The following SGCD variants were observed in gnomAD, a reference collection of about 807,000 sequenced individuals.
SGCD encodes the protein sarcoglycan delta.
Under a neutral mutation model 36.6 loss-of-function variants are expected in SGCD, and 18 were observed. The observed-to-expected ratio is 0.49, with a 90% CI of 0.34 to 0.73. The LOEUF is 0.73. Among genes scored for constraint, SGCD ranks in the 30% least tolerant of loss-of-function variants. SGCD has a pLI of 0.01. For missense variants in SGCD, 387 were observed against 346.7 expected (o/e 1.12, Z -0.92); for synonymous variants, 133 against 130.6 (o/e 1.02, Z -0.12).
Position 155,928,232 on chromosome 5 carries a change from C to T in SGCD, c.-282+57808C>T, listed in dbSNP as rs542061445. Among the ~76,000 whole-genome samples, 20 of 152,198 alleles carry T rather than the reference C, an allele frequency of 1.3e-4. No homozygotes were observed. The South Asian group carries it at 3.3e-3, about 25-fold the overall frequency. The stretch of plus-strand genomic sequence containing the variant: ...TTTAAGGAAAGGTCCTTTATAGTCA[C>T]GGATTTTTAAATGAATTACACATGC... On this transcript the variant is annotated intron_variant, in intron 1 of 9. Coordinates refer to the SGCD transcript ENST00000517913.
intron 1 of SGCD, among the ~76,000 whole-genome samples, chr5:155,888,141 T>A (rs1756047996): frequency 6.6e-6 from 1 of 152,170 alleles, no homozygotes. Flanking sequence ...CTTCTCCCTA[T>A]CCCAGCTTCT....
At chr5:155,957,503 G>T (rs1581011620) in intron 1 of SGCD, among the ~76,000 whole-genome samples, 1 of 152,058 alleles carries the variant, frequency 6.6e-6, no homozygotes, top group African/African-American at 2.4e-5. Context: ...TGTCAGGAAG[G>T]CTCCATTTCT....
chr5:156,413,904 G>T (rs756062399), intron 3 of SGCD, among the ~76,000 whole-genome samples: 1 of 152,132 alleles, frequency 6.6e-6, no homozygotes, highest in Admixed American at 6.5e-5. Context: ...CTTGGAGATG[G>T]AGGACACAGT....
chr5:155,863,845 A>G, the SGCD span, among the ~76,000 whole-genome samples: 2 of 152,122 alleles, frequency 1.3e-5, no homozygotes, highest in African/African-American at 4.8e-5. Context: ...TAATACATTC[A>G]ACAGATATAT....
chr5:156,221,798 C>A lies in SGCD; in HGVS notation c.-44+97779C>A, dbSNP rs553767516. Among the ~76,000 whole-genome samples, 9 of 151,908 alleles carry A rather than the reference C, an allele frequency of 5.9e-5. No homozygotes were observed. In the East Asian group the frequency reaches 1.7e-3, roughly 29 times the overall value. ...AGCAAGTAATATACATTACTTGTAA[C>A]CCTTATAACAAAATTGTGAAATAAA... On this transcript the variant is annotated intron_variant, in intron 3 of 9. Coordinates refer to the SGCD transcript ENST00000517913.
intron 4 of SGCD, among the ~76,000 whole-genome samples, chr5:156,548,790 A>G (rs1333687313): frequency 6.6e-6 from 1 of 152,174 alleles, no homozygotes; most frequent in African/African-American, 2.4e-5. Flanking sequence ...TTGAGCTGGG[A>G]GGAATAATAG....
intron 7 of SGCD, among the ~76,000 whole-genome samples, chr5:156,701,503 C>T (rs1357756008): frequency 6.6e-6 from 1 of 152,060 alleles, no homozygotes; most frequent in Non-Finnish European, 1.5e-5. Context: ...TTTTGTGTTT[C>T]AGTCAAAGTC....
intron 4 of SGCD, among the ~76,000 whole-genome samples, chr5:156,557,497 G>A (rs770088229): frequency 1.8e-4 from 27 of 152,278 alleles, no homozygotes; most frequent in Non-Finnish European, 3.1e-4. Flanking sequence ...ACCAAATTCA[G>A]CCTGTGACCT....
rs547367377 is a variant in SGCD, at chr5:156,073,421, G to A, written c.-281-44457G>A. Among the ~76,000 whole-genome samples, 3 of 152,244 alleles carry A rather than the reference G, an allele frequency of 2.0e-5. No homozygotes were observed. In the East Asian group the frequency reaches 5.8e-4, roughly 29 times the overall value. Reference sequence around the variant, plus strand: ...AAAATTGGCCAAAAAAAGTTAGCTAGGAATGATGGTTTATGCCTGTAGGTC... The same window carrying A: ...AAAATTGGCCAAAAAAAGTTAGCTAAGAATGATGGTTTATGCCTGTAGGTC... On this transcript the variant is annotated intron_variant, in intron 1 of 9. Coordinates refer to the SGCD transcript ENST00000517913.
intron 2 of SGCD, among the ~76,000 whole-genome samples, chr5:156,333,132 A>G (rs906541220): frequency 6.6e-6 from 1 of 152,208 alleles, no homozygotes; most frequent in African/African-American, 2.4e-5. Flanking sequence ...TTTCATTGCA[A>G]GCATTTGAGA....
the SGCD span, among the ~76,000 whole-genome samples, chr5:155,752,724 G>A: frequency 6.6e-6 from 1 of 152,122 alleles, no homozygotes; most frequent in African/African-American, 2.4e-5. Context: ...TAAGGGCTAG[G>A]TCTGTATTTC....
the SGCD span, among the ~76,000 whole-genome samples, chr5:155,789,922 A>G: frequency 1.3e-5 from 2 of 152,096 alleles, no homozygotes; most frequent in African/African-American, 4.8e-5. Context: ...AGTGTATACT[A>G]TCAATTTTCT....
At chr5:155,979,997 C>T (rs1482218439) in intron 1 of SGCD, among the ~76,000 whole-genome samples, 1 of 152,092 alleles carries the variant, frequency 6.6e-6, no homozygotes, top group Non-Finnish European at 1.5e-5. Flanking sequence ...GACCTAATCA[C>T]CTCTCCAAAT....
At chr5:155,918,550 G>A (rs1756805208) in intron 1 of SGCD, among the ~76,000 whole-genome samples, 1 of 152,194 alleles carries the variant, frequency 6.6e-6, no homozygotes, top group Non-Finnish European at 1.5e-5. Context: ...GGGACAGGGT[G>A]AGGCTCCATC....
chr5:156,022,251 G>T (rs1561685387), intron 1 of SGCD, among the ~76,000 whole-genome samples: 1 of 151,972 alleles, frequency 6.6e-6, no homozygotes. Context: ...ATACATTTTG[G>T]TAATATTTTA....
At position 156,153,401 on chromosome 5, in the gene SGCD, A is replaced by G. The variant is rs1393085424; in HGVS notation, c.-44+29382A>G. On this transcript the variant is annotated intron_variant, in intron 3 of 9. Coordinates refer to the SGCD transcript ENST00000517913. ...ATTTGCATTTTCTTTTATTATCTCC[A>G]TGAAGGGAAGTAGTTAGAAATCGGA... Among the ~76,000 whole-genome samples the G allele has an allele frequency of 2.6e-5, 4 of 151,604 alleles. No homozygotes were observed. The East Asian group carries it at 7.7e-4, about 29-fold the overall frequency.
the SGCD span, among the ~76,000 whole-genome samples, chr5:155,733,738 C>T: frequency 9.2e-5 from 14 of 152,040 alleles, no homozygotes; most frequent in Middle Eastern, 3.4e-3. Flanking sequence ...AGTTGGGCCC[C>T]GAGTGCAGAC....
At position 156,265,192 on chromosome 5, in the gene SGCD, C is replaced by A. The variant is rs557334502; in HGVS notation, c.-43-64342C>A. On this transcript the variant is annotated intron_variant, in intron 3 of 9. Coordinates refer to the SGCD transcript ENST00000517913. ...TCATCTATTGTAATTAGTGGGATTT[C>A]TTTACTTCTTTGGAACAATGAGTCA... Among the ~76,000 whole-genome samples, 8 of 152,234 alleles carry A rather than the reference C, an allele frequency of 5.3e-5. No homozygotes were observed. In the South Asian group the frequency reaches 1.2e-3, roughly 24 times the overall value.
At chr5:156,163,267 C>T (rs998767370) in intron 3 of SGCD, among the ~76,000 whole-genome samples, 2 of 151,600 alleles carry the variant, frequency 1.3e-5, no homozygotes, top group Non-Finnish European at 1.5e-5. Context: ...TATCAACTCA[C>T]CACTTGTGTA....
Sources: allele counts gnomAD v4.1 joint callset (sites outside exome capture counted in the v4.1 genomes callset), GRCh38; gene constraint gnomAD v4.1.1; transcripts MANE v1.5; gene names NCBI Gene and HGNC (gene_info 2026-07-23, HGNC 2026-07-21).